The following TRIM55 variants were observed in gnomAD, a reference collection of about 807,000 sequenced individuals.
TRIM55 encodes the protein tripartite motif containing 55, also known as tripartite motif-containing protein 55.
In TRIM55, 50 loss-of-function variants were observed where a neutral mutation model predicts 60.9. That is an observed-to-expected ratio of 0.82 (90% CI 0.65 to 1.04). The LOEUF (loss-of-function observed/expected upper bound fraction) is 1.04, where lower values mean the gene tolerates loss of function less well. TRIM55 is among the 50% of genes least tolerant of loss of function. The pLI, the probability that TRIM55 is intolerant of heterozygous loss-of-function variation, is 0.00. For synonymous variants in TRIM55, 237 were observed against 238.1 expected (o/e 1.00, Z 0.04); for missense variants, 681 against 666.9 (o/e 1.02, Z -0.23).
At chr8:66,149,516 G>T in intron 4 of TRIM55, 129 bp from the exon 5 acceptor site, 1 of 707,720 alleles carries the variant, frequency 1.4e-6, no homozygotes, top group Non-Finnish European at 2.4e-6. Context: ...TACCTAAATA[G>T]ACATCTTCAG....
At chr8:66,143,582 GTT>G (rs1343519648) in intron 4 of TRIM55, among the ~76,000 whole-genome samples, 4 of 144,136 alleles carry the variant, frequency 2.8e-5, no homozygotes, top group African/African-American at 5.0e-5. Context: ...TGGTTTTTGG[GTT>G]TTTTTTTTTT....
At chr8:66,166,179 T>G (rs1165293589) in intron 9 of TRIM55, among the ~76,000 whole-genome samples, 1 of 152,208 alleles carries the variant, frequency 6.6e-6, no homozygotes, top group African/African-American at 2.4e-5. Flanking sequence ...GCATCCTAAG[T>G]AAATGTCACT....
At chr8:66,126,283 C>T (rs1808815340), upstream of TRIM55, among the ~76,000 whole-genome samples, 1 of 152,172 alleles carries the variant, frequency 6.6e-6, no homozygotes, top group Non-Finnish European at 1.5e-5. Context: ...CAGTTACTAC[C>T]TCATTACAGA....
At chr8:66,115,636 G>T in the TRIM55 span, among the ~76,000 whole-genome samples, 4 of 152,318 alleles carry the variant, frequency 2.6e-5, no homozygotes, top group East Asian at 7.7e-4. Flanking sequence ...GCTGGGAATG[G>T]AATTCACATA....
chr8:66,115,413 T>C, the TRIM55 span, among the ~76,000 whole-genome samples: 4 of 152,212 alleles, frequency 2.6e-5, no homozygotes, highest in Non-Finnish European at 4.4e-5. Context: ...TTTTATCAGA[T>C]GACATGTCCC....
chr8:66,167,992 C>A (rs1811418104), intron 9 of TRIM55, among the ~76,000 whole-genome samples: 1 of 152,138 alleles, frequency 6.6e-6, no homozygotes, highest in African/African-American at 2.4e-5. Context: ...TCAAGCAATC[C>A]TCCTGCCTCA....
chr8:66,120,676 T>A, the TRIM55 span, among the ~76,000 whole-genome samples: 2 of 152,216 alleles, frequency 1.3e-5, no homozygotes, highest in Non-Finnish European at 2.9e-5. Flanking sequence ...AGGAGGGTGA[T>A]GCATCCTGAC....
chr8:66,125,087 C>G (rs1338930831), upstream of TRIM55, among the ~76,000 whole-genome samples: 2 of 152,172 alleles, frequency 1.3e-5, no homozygotes, highest in African/African-American at 4.8e-5. Flanking sequence ...TCTTATCTAC[C>G]CACAACTGAA....
At chr8:66,166,156 T>C (rs893792036) in intron 9 of TRIM55, among the ~76,000 whole-genome samples, 1 of 152,218 alleles carries the variant, frequency 6.6e-6, no homozygotes, top group African/African-American at 2.4e-5. Flanking sequence ...ACTACATTTC[T>C]CAGGATCAAA....
In TRIM55 at chr8:66,154,229, T is replaced by C; in HGVS notation, c.1419T>C (p.Gly473=). The C allele has an allele frequency of 6.2e-7, 1 of 1,614,002 alleles. No homozygotes were observed. The highest frequency in any genetic ancestry group is 8.5e-7 in the Non-Finnish European group (1 of 1,179,978). The part of the protein sequence containing the change: ...SEGLGQIGPP[G]SEDSNVRKAE... ...GTCTGGGGCAAATAGGGCCTCCAGG[T>C]TCTGAGGATTCGAATGTACGGAAGG... Residue 473 remains glycine (G), a synonymous_variant, in exon 9 of 10, where the codon GGT becomes GGC. Transcript: ENST00000315962.
In TRIM55 at chr8:66,128,554, G is replaced by A. The variant is rs369600990; in HGVS notation, c.341+78G>A. ...TTTGTTTGTTTTAATGGGTTGCTAC[G>A]CTGAATGCTTGTTTATCAATCACAG... On this transcript the variant is annotated intron_variant, in intron 2 of 9. Transcript: ENST00000315962. 391 of 1,446,164 alleles carry A rather than the reference G, an allele frequency of 2.7e-4. 1 individual carries two copies. In the African/African-American group the frequency reaches 3.2e-3, roughly 12 times the overall value. 89.6% of individuals were successfully genotyped at this position (1,446,164 alleles called of 1,614,324 possible).
Position 66,153,929 on chromosome 8 carries a change from G to A in TRIM55, c.1237-118G>A, listed in dbSNP as rs1452936189. The A allele has an allele frequency of 3.3e-5, 32 of 965,562 alleles. No individual in the cohort carries two copies. In the East Asian group the frequency reaches 7.6e-4, roughly 23 times the overall value. 59.8% of individuals were successfully genotyped at this position (965,562 alleles called of 1,614,324 possible). On this transcript the variant is annotated intron_variant, in intron 8 of 9. Transcript: ENST00000315962. ...GGGATGAACTAAAACGGCCACCAAG[G>A]CACTGCATGCAGGGAGCGCACAGTG...
intron 9 of TRIM55, among the ~76,000 whole-genome samples, chr8:66,169,342 G>T (rs896972202): frequency 6.6e-6 from 1 of 152,106 alleles, no homozygotes; most frequent in Non-Finnish European, 1.5e-5. Context: ...AGATCCTGGG[G>T]ACTAATCTGC....
rs1433365209 is a variant in TRIM55, at chr8:66,149,735, G to C, written c.694G>C (p.Val232Leu). ...GGAGAGGAAGAATGAAATGACCCAA[G>C]TCATTACCCGAACCCAAGAGGAGAA... Reference protein sequence around the residue: ...LEERKNEMTQVITRTQEEKLE... With the variant: ...LEERKNEMTQLITRTQEEKLE... The change falls in exon 5 of 10, where the codon GTC becomes CTC. Residue 232 changes from valine to leucine, a missense_variant. Coordinates refer to ENST00000315962, the MANE Select transcript of TRIM55 (RefSeq NM_184085.2). 6.2e-7 allele frequency: 1 copy of C among 1,614,180 alleles called. No individual in the cohort carries two copies. Among genetic ancestry groups the C allele is most frequent in the South Asian group, 1.1e-5 (1 of 91,090 alleles).
At chr8:66,170,497 T>C (rs6999100) in intron 9 of TRIM55, among the ~76,000 whole-genome samples, 50,504 of 152,060 alleles carry the variant, frequency 0.33, 12,942 homozygotes, top group African/African-American at 0.71. Context: ...TTTGTTTATC[T>C]GCTTCTCCAA....
At chr8:66,168,184 C>A (rs940720655) in intron 9 of TRIM55, among the ~76,000 whole-genome samples, 2 of 152,214 alleles carry the variant, frequency 1.3e-5, no homozygotes, top group African/African-American at 4.8e-5. Flanking sequence ...CTGTCCCAAA[C>A]AGAAATGTCT....
At chr8:66,141,937 C>T (rs1019679218) in intron 4 of TRIM55, among the ~76,000 whole-genome samples, 1 of 152,156 alleles carries the variant, frequency 6.6e-6, no homozygotes, top group African/African-American at 2.4e-5. Context: ...GTTTAAATAC[C>T]ATGCCAGAAT....
At chr8:66,118,594 A>G in the TRIM55 span, among the ~76,000 whole-genome samples, 1 of 152,212 alleles carries the variant, frequency 6.6e-6, no homozygotes, top group Non-Finnish European at 1.5e-5. Context: ...TTGTATGGAA[A>G]GAGAGTTCTG....
At chr8:66,157,944 T>C (rs534823334) in intron 9 of TRIM55, among the ~76,000 whole-genome samples, 1 of 152,008 alleles carries the variant, frequency 6.6e-6, no homozygotes, top group South Asian at 2.1e-4. Flanking sequence ...ATCAGAAGAG[T>C]GCTGTAGCTC....
Sources: allele counts gnomAD v4.1 joint callset (sites outside exome capture counted in the v4.1 genomes callset), GRCh38; gene constraint gnomAD v4.1.1; transcripts MANE v1.5; gene names NCBI Gene and HGNC (gene_info 2026-07-23, HGNC 2026-07-21).